KHDRBS2: variants seen among roughly 807,000 people sequenced by gnomAD.
The protein encoded by KHDRBS2 is KH domain-containing, RNA-binding, signal transduction-associated protein 2.
A neutral mutation model predicts 44.3 loss-of-function variants in KHDRBS2; 26 were observed. That is an observed-to-expected ratio of 0.59 (90% CI 0.43 to 0.81). The LOEUF is 0.81. KHDRBS2 is among the 40% of genes least tolerant of loss of function. The pLI is 0.00. For synonymous variants in KHDRBS2, 194 were observed against 151.1 expected (o/e 1.28, Z -2.08); for missense variants, 476 against 433.1 (o/e 1.10, Z -0.88).
chr6:61,573,348 G>T, the KHDRBS2 span, among the ~76,000 whole-genome samples: 1 of 152,188 alleles, frequency 6.6e-6, no homozygotes, highest in Non-Finnish European at 1.5e-5. Context: ...CACATTCCAT[G>T]CTCATGGATG....
At chr6:61,875,195 A>G (rs974282190) in intron 6 of KHDRBS2, among the ~76,000 whole-genome samples, 3 of 147,158 alleles carry the variant, frequency 2.0e-5, no homozygotes, top group African/African-American at 7.4e-5. Flanking sequence ...GCAGGGAGGG[A>G]GAGAGAGAGA....
chr6:62,082,528 G>T (rs552355185), intron 2 of KHDRBS2, among the ~76,000 whole-genome samples: 2 of 152,024 alleles, frequency 1.3e-5, no homozygotes, highest in East Asian at 1.9e-4. Context: ...TCATGGAAAC[G>T]ATTTCATACT....
intron 3 of KHDRBS2, among the ~76,000 whole-genome samples, chr6:62,027,854 C>T (rs1783648837): frequency 6.6e-6 from 1 of 152,086 alleles, no homozygotes; most frequent in South Asian, 2.1e-4. Context: ...CTTGCTGTTC[C>T]TGAGATTTAC....
intron 6 of KHDRBS2, among the ~76,000 whole-genome samples, chr6:61,881,474 ACT>A (rs1202130880): frequency 6.6e-6 from 1 of 151,898 alleles, no homozygotes; most frequent in East Asian, 1.9e-4. Flanking sequence ...ATTATGTTCA[ACT>A]CTCTTTACAG....
At chr6:62,191,024 T>C (rs938441642) in intron 1 of KHDRBS2, among the ~76,000 whole-genome samples, 2 of 152,102 alleles carry the variant, frequency 1.3e-5, no homozygotes, top group Non-Finnish European at 2.9e-5. Context: ...ATCCAAGCTG[T>C]CTTTCTAAAA....
At chr6:62,204,895 G>A (rs115132530) in intron 1 of KHDRBS2, among the ~76,000 whole-genome samples, 9 of 151,974 alleles carry the variant, frequency 5.9e-5, no homozygotes, top group Admixed American at 5.9e-4. Flanking sequence ...GTATAAATGG[G>A]CCTATGTAGT....
At chr6:61,812,475 C>G (rs1331177540) in intron 6 of KHDRBS2, among the ~76,000 whole-genome samples, 1 of 151,950 alleles carries the variant, frequency 6.6e-6, no homozygotes, top group Non-Finnish European at 1.5e-5. Context: ...CAGGAGGAAA[C>G]TAAAACTTAT....
chr6:62,013,021 G>T (rs1780580573), intron 3 of KHDRBS2, among the ~76,000 whole-genome samples: 1 of 152,134 alleles, frequency 6.6e-6, no homozygotes, highest in Non-Finnish European at 1.5e-5. Context: ...CTGAGAGGAG[G>T]ATCACGTCAT....
intron 6 of KHDRBS2, among the ~76,000 whole-genome samples, chr6:61,771,600 A>C (rs966010491): frequency 2.0e-5 from 3 of 152,234 alleles, no homozygotes; most frequent in Non-Finnish European, 4.4e-5. Context: ...AGGCCATTAC[A>C]TAATGGTAAA....
At chr6:62,232,804 T>C (rs1190036463) in intron 1 of KHDRBS2, among the ~76,000 whole-genome samples, 1 of 152,108 alleles carries the variant, frequency 6.6e-6, no homozygotes, top group Admixed American at 6.6e-5. Context: ...ACACTCAAAA[T>C]GGCTTCAAAA....
intron 1 of KHDRBS2, among the ~76,000 whole-genome samples, chr6:62,229,621 C>T (rs1225326477): frequency 6.6e-6 from 1 of 152,294 alleles, no homozygotes; most frequent in Non-Finnish European, 1.5e-5. Flanking sequence ...GGAGCCTGGG[C>T]CCCGGTGGCG....
At chr6:62,081,272 T>G (rs192073218) in intron 2 of KHDRBS2, among the ~76,000 whole-genome samples, 1 of 152,076 alleles carries the variant, frequency 6.6e-6, no homozygotes, top group Admixed American at 6.6e-5. Flanking sequence ...AATAATGAAG[T>G]TTCTTGGGGT....
At chr6:61,755,123 T>G (rs1401137555) in intron 6 of KHDRBS2, among the ~76,000 whole-genome samples, 1 of 152,170 alleles carries the variant, frequency 6.6e-6, no homozygotes, top group Non-Finnish European at 1.5e-5. Flanking sequence ...CGGTTTATGT[T>G]ATCCTCCATG....
chr6:62,052,193 T>C (rs777642728), intron 2 of KHDRBS2, among the ~76,000 whole-genome samples: 2 of 152,054 alleles, frequency 1.3e-5, no homozygotes, highest in Non-Finnish European at 2.9e-5. Context: ...TTAATGTTTA[T>C]TGTAGCATTA....
chr6:62,029,798 A>C (rs554925607), intron 3 of KHDRBS2, among the ~76,000 whole-genome samples: 1 of 152,126 alleles, frequency 6.6e-6, no homozygotes, highest in African/African-American at 2.4e-5. Context: ...TATATAAGAC[A>C]TTCAATGGAT....
chr6:61,930,534 AAAAAAAAAAAAG>A (rs1335417016), intron 4 of KHDRBS2, among the ~76,000 whole-genome samples: 488 of 35,830 alleles, frequency 0.014, 62 homozygotes, highest in African/African-American at 0.032. Flanking sequence ...AAAAAAAAAA[AAAAAAAAAAAAG>A]AAAAAAAAAA....
intron 3 of KHDRBS2, among the ~76,000 whole-genome samples, chr6:62,036,567 T>A (rs1785326803): frequency 1.3e-5 from 2 of 152,016 alleles, no homozygotes; most frequent in Admixed American, 1.3e-4. Flanking sequence ...AAAAGTAATT[T>A]GGATCCATTT....
intron 2 of KHDRBS2, among the ~76,000 whole-genome samples, chr6:62,084,384 T>C (rs1223275471): frequency 1.3e-5 from 2 of 152,140 alleles, no homozygotes; most frequent in Admixed American, 6.6e-5. Context: ...TCCACCAAAG[T>C]TGATAACAGA....
chr6:61,594,175 C>T, the KHDRBS2 span, among the ~76,000 whole-genome samples: 1 of 151,950 alleles, frequency 6.6e-6, no homozygotes, highest in Non-Finnish European at 1.5e-5. Context: ...CTGTAAGCTA[C>T]AAATTGCATA....
Sources: gnomAD v4.1 joint callset for allele counts (sites outside exome capture counted in the v4.1 genomes callset) on GRCh38, gnomAD v4.1.1 for gene constraint, MANE v1.5 for transcripts, NCBI Gene and HGNC (gene_info 2026-07-23, HGNC 2026-07-21) for gene names.